SLC9B2: variants seen among roughly 807,000 people sequenced by gnomAD.
The protein encoded by SLC9B2 is solute carrier family 9 member B2.
SLC9B2 carries 39 observed loss-of-function variants against 52.2 expected under a neutral mutation model. That is an observed-to-expected ratio of 0.75 (90% CI 0.58 to 0.98). The LOEUF is 0.98. Ranked by LOEUF, SLC9B2 falls within the 50% of genes least tolerant of loss-of-function variation. The pLI is 0.00. For synonymous variants in SLC9B2, 214 were observed against 227.0 expected (o/e 0.94, Z 0.51); for missense variants, 626 against 637.5 (o/e 0.98, Z 0.19).
chr4:103,020,380 T>A (rs1423785081), downstream of SLC9B2: 2 of 438,472 alleles, frequency 4.6e-6, no homozygotes, highest in African/African-American at 4.1e-5. Context: ...AGTAATAGAA[T>A]CCGCGCTTCC....
chr4:103,049,838 C>A (rs970002482), intron 5 of SLC9B2, among the ~76,000 whole-genome samples: 3 of 151,968 alleles, frequency 2.0e-5, no homozygotes, highest in African/African-American at 7.3e-5. Flanking sequence ...ATGGCAAAAC[C>A]CCGTCTCTAC....
intron 9 of SLC9B2, among the ~76,000 whole-genome samples, chr4:103,041,637 T>A (rs1208598635): frequency 6.6e-6 from 1 of 152,156 alleles, no homozygotes; most frequent in Admixed American, 6.5e-5. Context: ...TTTTATCCTA[T>A]CATTTATGAA....
chr4:103,049,442 C>G (rs1018689300), intron 5 of SLC9B2, among the ~76,000 whole-genome samples: 2 of 152,028 alleles, frequency 1.3e-5, no homozygotes, highest in Non-Finnish European at 2.9e-5. Context: ...AGTGAAGAGC[C>G]TGATCCCCCA....
At chr4:103,059,940 T>C (rs764575516) in intron 3 of SLC9B2, among the ~76,000 whole-genome samples, 1 of 152,090 alleles carries the variant, frequency 6.6e-6, no homozygotes, top group African/African-American at 2.4e-5. Context: ...CTAGGTTGAG[T>C]GTTATTGTTT....
rs774822078 is a variant in SLC9B2 at position 103,066,413 on chromosome 4, G to A, written c.185C>T (p.Thr62Ile). The change falls in exon 3 of 12, where the codon ACA becomes ATA. Residue 62 changes from threonine (T) to isoleucine (I), a missense_variant. Thr to Ile is a moderately conservative substitution (Grantham distance 89). Coordinates refer to ENST00000394785, the MANE Select transcript of SLC9B2 (RefSeq NM_178833.7). ...LKSSEKKLQE[T>I]PTEANHVQRL... ...TTGTACGTGATTTGCTTCAGTTGGTGTTTCTTGTAGCTTTTTTTCACTGCT... is the reference window on the plus strand; with the variant it reads ...TTGTACGTGATTTGCTTCAGTTGGTATTTCTTGTAGCTTTTTTTCACTGCT... The A allele has an allele frequency of 4.3e-6, 7 of 1,613,888 alleles. No homozygotes were observed. In the Admixed American group the frequency reaches 1.0e-4, roughly 23 times the overall value.
intron 1 of SLC9B2, among the ~76,000 whole-genome samples, chr4:103,072,454 T>C (rs1415429574): frequency 6.6e-6 from 1 of 152,228 alleles, no homozygotes; most frequent in Non-Finnish European, 1.5e-5. Flanking sequence ...GCAGGAGCCC[T>C]GTCTACTCAC....
rs1002269098 is a variant in SLC9B2, at chr4:103,057,478, A to AT, written c.442+322dup. Among the ~76,000 whole-genome samples the AT allele has an allele frequency of 6.0e-5, 9 of 151,230 alleles. No homozygotes were observed. In the South Asian group the frequency reaches 6.3e-4, roughly 11 times the overall value. ...GTCACCATGCCCGGCTAATTTTTGT[A>AT]TTTTTTTTGTAGAGACAGGGTTTCA... On this transcript the variant is annotated intron_variant, in intron 4 of 11. Coordinates refer to ENST00000394785, the MANE Select transcript of SLC9B2 (RefSeq NM_178833.7).
intron 8 of SLC9B2, among the ~76,000 whole-genome samples, chr4:103,043,815 A>C (rs13150234): frequency 6.6e-6 from 1 of 152,200 alleles, no homozygotes; most frequent in Non-Finnish European, 1.5e-5. Flanking sequence ...TAACCACTCC[A>C]AGCTTTGTTT....
At chr4:103,018,299 T>C (rs1379504716), downstream of SLC9B2, among the ~76,000 whole-genome samples, 1 of 152,196 alleles carries the variant, frequency 6.6e-6, no homozygotes, top group African/African-American at 2.4e-5. Flanking sequence ...GCAGTATAAA[T>C]TCTGGTACTC....
chr4:103,063,176 T>C (rs2110652063), intron 3 of SLC9B2, among the ~76,000 whole-genome samples: 1 of 152,340 alleles, frequency 6.6e-6, no homozygotes, highest in South Asian at 2.1e-4. Context: ...AAGTAGGCCA[T>C]ATTTTGAATA....
At chr4:103,049,564 T>C (rs1744475481) in intron 5 of SLC9B2, among the ~76,000 whole-genome samples, 1 of 152,196 alleles carries the variant, frequency 6.6e-6, no homozygotes, top group African/African-American at 2.4e-5. Flanking sequence ...TAGTTAGCCC[T>C]GAACACTTGT....
chr4:103,050,230 C>G lies in SLC9B2; in HGVS notation c.585+10G>C, dbSNP rs777389049. 1.3e-6 allele frequency: 2 copies of G among 1,549,078 alleles called. No individual in the cohort carries two copies. The highest frequency in any genetic ancestry group is 2.5e-5 in the South Asian group (2 of 80,658). ...TTCCTATTTAATAATGAGAAATTTA[C>G]ATTTCATACCTTTGAATCCAGACCA... On this transcript the variant is annotated intron_variant, in intron 5 of 11. Coordinates refer to ENST00000394785, the MANE Select transcript of SLC9B2 (RefSeq NM_178833.7).
intron 9 of SLC9B2, among the ~76,000 whole-genome samples, chr4:103,034,433 A>G (rs1422662507): frequency 6.6e-6 from 1 of 152,210 alleles, no homozygotes. Context: ...CAATTGTGAC[A>G]AAACAAAAAA....
intron 10 of SLC9B2, 121 bp downstream of exon 10, chr4:103,031,579 A>C (rs1359762904): frequency 3.3e-6 from 2 of 611,806 alleles, no homozygotes; most frequent in Non-Finnish European, 5.6e-6. Context: ...TTGTGACAAT[A>C]GTAACCACTG....
In SLC9B2 at chr4:103,025,305, T is replaced by C. The variant is rs1742101500; in HGVS notation, c.*1065A>G. 1.3e-5 allele frequency among the ~76,000 whole-genome samples: 2 copies of C among 152,336 alleles called. No homozygotes were observed. Among genetic ancestry groups the C allele is most frequent in the South Asian group, 4.1e-4 (2 of 4,828 alleles). On this transcript the variant is annotated 3_prime_UTR_variant, in exon 12 of 12. Transcript: ENST00000394785. ...ATGCTAAGCCTGTGGGAGTTATTTA[T>C]ATCCCACTGCTCAAGGTCATTGCCA...
rs766022327 is a variant in SLC9B2, at chr4:103,057,932, A to C, written c.311T>G (p.Ile104Ser). 12 of 1,613,812 alleles carry C rather than the reference A, an allele frequency of 7.4e-6. 1 individual carries two copies. Among genetic ancestry groups the C allele is most frequent in the Admixed American group, 1.7e-5 (1 of 59,926 alleles). Residue 104 changes from isoleucine to serine, a missense_variant, in exon 4 of 12, where the codon ATT (isoleucine) becomes AGT (serine). Transcript: ENST00000394785. ...IVLLWAVVWS[I>S]TGSECLPGGN... is the part of the protein sequence containing the mutation. ...TCCAGGAAGACATTCACTGCCAGTA[A>C]TTGACCAAACTACAGCCCACAGAAG...
At chr4:103,040,841 CT>C (rs1743573329) in intron 9 of SLC9B2, among the ~76,000 whole-genome samples, 1 of 152,222 alleles carries the variant, frequency 6.6e-6, no homozygotes. Context: ...GGTCCCTAGA[CT>C]GGCAGCATCA....
rs538893478 is a variant in SLC9B2 at position 103,055,117 on chromosome 4, T to C, written c.442+2684A>G. Among the ~76,000 whole-genome samples, 8 of 152,040 alleles carry C rather than the reference T, an allele frequency of 5.3e-5. No homozygotes were observed. In the South Asian group the frequency reaches 1.7e-3, roughly 32 times the overall value. The stretch of plus-strand genomic sequence containing the variant: ...CATGGATGAAGCTGGAAACCATCGT[T>C]CTCAGCAAACTATTGCAAGGACAAA... On this transcript the variant is annotated intron_variant, in intron 4 of 11. Transcript: ENST00000394785.
chr4:103,054,315 A>T (rs1474197553), intron 4 of SLC9B2, among the ~76,000 whole-genome samples: 1 of 152,220 alleles, frequency 6.6e-6, no homozygotes, highest in Non-Finnish European at 1.5e-5. Context: ...AGAGATTCTT[A>T]TGTGCAGCCA....
Sources: gnomAD v4.1 joint callset for allele counts (sites outside exome capture counted in the v4.1 genomes callset) on GRCh38, gnomAD v4.1.1 for gene constraint, MANE v1.5 for transcripts, NCBI Gene and HGNC (gene_info 2026-07-23, HGNC 2026-07-21) for gene names.